The following SOX5 variants were observed in gnomAD, a reference collection of about 807,000 sequenced individuals.
The protein encoded by SOX5 is SRY-box transcription factor 5.
A neutral mutation model predicts 92.0 loss-of-function variants in SOX5; 9 were observed. The observed-to-expected ratio is 0.10, with a 90% CI of 0.06 to 0.17. The LOEUF (loss-of-function observed/expected upper bound fraction) is 0.17, where lower values mean the gene tolerates loss of function less well. Ranked by LOEUF, SOX5 falls within the 10% of genes least tolerant of loss-of-function variation. The pLI is 1.00. For synonymous variants in SOX5, 344 were observed against 336.3 expected (o/e 1.02, Z -0.25); for missense variants, 642 against 944.5 (o/e 0.68, Z 4.20).
intron 9 of SOX5, among the ~76,000 whole-genome samples, chr12:23,600,803 G>C (rs1046491621): frequency 1.3e-5 from 2 of 151,552 alleles, no homozygotes; most frequent in Admixed American, 1.3e-4. Context: ...TCCTCTAAAG[G>C]TTTCTTTATC....
intron 4 of SOX5, among the ~76,000 whole-genome samples, chr12:24,072,915 A>G (rs1348098239): frequency 6.6e-6 from 1 of 152,230 alleles, no homozygotes; most frequent in South Asian, 2.1e-4. Context: ...TAAAGAAAAC[A>G]TAGATAAGTC....
intron 4 of SOX5, among the ~76,000 whole-genome samples, chr12:24,103,730 G>A (rs1029663070): frequency 6.6e-6 from 1 of 152,228 alleles, no homozygotes; most frequent in Non-Finnish European, 1.5e-5. Context: ...AACATCATAT[G>A]AACAAACCAA....
At position 23,838,845 on chromosome 12, in the gene SOX5, G is replaced by GGC. The variant is rs1407602969; in HGVS notation, c.481+7137_481+7138insGC. On this transcript the variant is annotated intron_variant, in intron 3 of 14. Coordinates refer to ENST00000451604, the MANE Select transcript of SOX5 (RefSeq NM_006940.6). ...AATTCCCAGTAGTTCTTTTTTTTTG[G>GGC]GGGGGGGGGGCGGGGATGGAGTCTC... Among the ~76,000 whole-genome samples, 200 of 69,790 alleles carry GGC rather than the reference G, an allele frequency of 2.9e-3. 11 individuals are homozygous for GGC. The highest frequency in any genetic ancestry group is 8.1e-3 in the African/African-American group (165 of 20,372). 45.8% of individuals were successfully genotyped at this position (69,790 alleles called of 152,430 possible). A position where few individuals can be genotyped will look rare whatever the true frequency, so the allele number is the denominator to read the frequency against.
At chr12:23,545,588 G>GTACA (rs1290734364) in intron 12 of SOX5, among the ~76,000 whole-genome samples, 2 of 152,088 alleles carry the variant, frequency 1.3e-5, no homozygotes, top group Non-Finnish European at 2.9e-5. Context: ...TGACTATGTA[G>GTACA]TACATAGCAC....
At chr12:24,266,315 T>C (rs776628849) in intron 3 of SOX5, among the ~76,000 whole-genome samples, 3 of 152,146 alleles carry the variant, frequency 2.0e-5, no homozygotes, top group Non-Finnish European at 4.4e-5. Context: ...TAAATATAAA[T>C]ATATACCGAC....
chr12:23,959,535 C>T (rs961825250), intron 4 of SOX5, among the ~76,000 whole-genome samples: 1 of 151,908 alleles, frequency 6.6e-6, no homozygotes, highest in Non-Finnish European at 1.5e-5. Context: ...AATCCACAAG[C>T]CATAAAACAA....
At chr12:24,287,032 T>A (rs1288291009) in intron 2 of SOX5, among the ~76,000 whole-genome samples, 3 of 152,196 alleles carry the variant, frequency 2.0e-5, no homozygotes, top group African/African-American at 7.2e-5. Context: ...TATTGGGTCA[T>A]GTAGCTTTAA....
At chr12:24,136,189 G>A (rs1950089662) in intron 4 of SOX5, among the ~76,000 whole-genome samples, 1 of 152,226 alleles carries the variant, frequency 6.6e-6, no homozygotes, top group African/African-American at 2.4e-5. Context: ...GAGCAAGAGA[G>A]AAGTCAGAGG....
At chr12:23,901,365 G>T (rs1347221308) in intron 1 of SOX5, among the ~76,000 whole-genome samples, 2 of 152,102 alleles carry the variant, frequency 1.3e-5, no homozygotes, top group Non-Finnish European at 2.9e-5. Flanking sequence ...AACTGTAAAA[G>T]AATACATTTG....
At chr12:23,971,548 T>A (rs538933232) in intron 4 of SOX5, among the ~76,000 whole-genome samples, 5 of 149,922 alleles carry the variant, frequency 3.3e-5, no homozygotes, top group African/African-American at 9.7e-5. Context: ...TATATATATA[T>A]TAAATTAAAT....
At position 23,917,239 on chromosome 12, in the gene SOX5, A is replaced by C. The variant is rs1448582962; in HGVS notation, c.39-21215T>G. Among the ~76,000 whole-genome samples the C allele has an allele frequency of 1.3e-5, 2 of 152,286 alleles. 1 individual carries two copies. Among genetic ancestry groups the C allele is most frequent in the East Asian group, 3.9e-4 (2 of 5,180 alleles). ...ATTGAGAGAAGGTACATTTAGGCTCAGTATTAAAAAGAAACTTCTGGCCGG... is the reference window on the plus strand; with the variant it reads ...ATTGAGAGAAGGTACATTTAGGCTCCGTATTAAAAAGAAACTTCTGGCCGG... On this transcript the variant is annotated intron_variant, in intron 1 of 14. Coordinates refer to ENST00000451604, the MANE Select transcript of SOX5 (RefSeq NM_006940.6).
At chr12:23,654,619 T>C (rs997791610) in intron 7 of SOX5, among the ~76,000 whole-genome samples, 20 of 152,110 alleles carry the variant, frequency 1.3e-4, no homozygotes, top group African/African-American at 4.8e-4. Flanking sequence ...GTTACATTTA[T>C]AACAACTCTC....
intron 1 of SOX5, among the ~76,000 whole-genome samples, chr12:24,439,856 C>G (rs902748384): frequency 6.6e-6 from 1 of 152,100 alleles, no homozygotes; most frequent in Non-Finnish European, 1.5e-5. Flanking sequence ...GATTACACCA[C>G]TGCACTCCAG....
rs12298033 is a variant in SOX5 at position 23,560,770 on chromosome 12, T to A, written c.1488+2488A>T. Among the ~76,000 whole-genome samples, 439 of 152,368 alleles carry A rather than the reference T, an allele frequency of 2.9e-3. 2 individuals carry two copies. The highest frequency in any genetic ancestry group is 9.7e-3 in the African/African-American group (404 of 41,592). ...CTCATTTTCATGATGTACACAGACA[T>A]AGATTGATCATTAATATTCTAGAAA... is the stretch of plus-strand genomic sequence containing the variant. On this transcript the variant is annotated intron_variant, in intron 11 of 14. Coordinates refer to ENST00000451604, the MANE Select transcript of SOX5 (RefSeq NM_006940.6).
At position 23,697,012 on chromosome 12, in the gene SOX5, G is replaced by A. The variant is rs184897261; in HGVS notation, c.811-31448C>T. 3.1e-3 allele frequency among the ~76,000 whole-genome samples: 472 copies of A among 152,164 alleles called. 2 individuals carry two copies. Among genetic ancestry groups the A allele is most frequent in the Non-Finnish European group, 5.1e-3 (349 of 67,968 alleles). Reference sequence around the variant, plus strand: ...ATTAAGACCTTTAATGGCCCAGAGTGTAATCTGCTTGCTAAATATTCTGTG... The same window carrying A: ...ATTAAGACCTTTAATGGCCCAGAGTATAATCTGCTTGCTAAATATTCTGTG... On this transcript the variant is annotated intron_variant, in intron 6 of 14. Transcript: ENST00000451604.
intron 3 of SOX5, among the ~76,000 whole-genome samples, chr12:24,256,822 T>C (rs1941279182): frequency 6.6e-6 from 1 of 152,212 alleles, no homozygotes. Flanking sequence ...ACCCCGTTAT[T>C]GTCATCTGCC....
Position 24,130,069 on chromosome 12 carries a change from G to A in SOX5, c.-2+83274C>T, listed in dbSNP as rs117726334. Among the ~76,000 whole-genome samples, 26 of 152,128 alleles carry A rather than the reference G, an allele frequency of 1.7e-4. No homozygotes were observed. The East Asian group carries it at 3.7e-3, about 22-fold the overall frequency. On this transcript the variant is annotated intron_variant, in intron 4 of 4. Coordinates refer to the SOX5 transcript ENST00000446891. ...AAAGATACTTAGGAAATTATTAATCGTGCTTGTCTCTAGGAGAAGCAAGAA... is the reference window on the plus strand; with the variant it reads ...AAAGATACTTAGGAAATTATTAATCATGCTTGTCTCTAGGAGAAGCAAGAA...
chr12:24,031,033 C>T (rs568372647), intron 4 of SOX5, among the ~76,000 whole-genome samples: 18 of 151,658 alleles, frequency 1.2e-4, no homozygotes, highest in Non-Finnish European at 2.1e-4. Flanking sequence ...ATGAAAAAGA[C>T]GAAAGGTAAC....
intron 2 of SOX5, among the ~76,000 whole-genome samples, chr12:23,886,305 C>G (rs866373176): frequency 5.3e-5 from 8 of 152,200 alleles, no homozygotes; most frequent in Middle Eastern, 3.4e-3. Flanking sequence ...TAAGACTTGA[C>G]TTTCTTAAGA....
Sources: gnomAD v4.1 joint callset for allele counts (sites outside exome capture counted in the v4.1 genomes callset) on GRCh38, gnomAD v4.1.1 for gene constraint, MANE v1.5 for transcripts, NCBI Gene and HGNC (gene_info 2026-07-23, HGNC 2026-07-21) for gene names.